Variants in RANBP2 observed in about 807,000 individuals in gnomAD.
RANBP2 encodes RAN binding protein 2.
A neutral mutation model predicts 303.6 loss-of-function variants in RANBP2; 57 were observed. That is an observed-to-expected ratio of 0.19 (90% CI 0.15 to 0.23). RANBP2 has a LOEUF of 0.23. RANBP2 is among the 10% of genes least tolerant of loss of function. RANBP2 has a pLI of 1.00. For synonymous variants in RANBP2, 1,167 were observed against 1,301.5 expected (o/e 0.90, Z 2.23); for missense variants, 3,138 against 3,780.8 (o/e 0.83, Z 4.46).
chr2:108,836,991 C>T, the RANBP2 span, among the ~76,000 whole-genome samples: 1 of 151,702 alleles, frequency 6.6e-6, no homozygotes, highest in Non-Finnish European at 1.5e-5. Flanking sequence ...CATATAAGGT[C>T]ATGCCATCTG....
chr2:108,744,774 A>G (rs1162563661), intron 7 of RANBP2, among the ~76,000 whole-genome samples: 1 of 152,230 alleles, frequency 6.6e-6, no homozygotes, highest in African/African-American at 2.4e-5. Context: ...GCGGCTCTTA[A>G]GAATATGCTA....
chr2:109,358,693 A>G, the RANBP2 span, among the ~76,000 whole-genome samples: 2 of 152,188 alleles, frequency 1.3e-5, no homozygotes, highest in Non-Finnish European at 2.9e-5. Context: ...ATCCTTTATC[A>G]TAGTTGTCTT....
chr2:109,129,341 AC>A, the RANBP2 span: 4 of 1,650 alleles, frequency 2.4e-3, no homozygotes, highest in South Asian at 0.043. Flanking sequence ...GGTCCCCGCC[AC>A]GCAGGCCGGT....
the RANBP2 span, among the ~76,000 whole-genome samples, chr2:109,010,251 A>G: frequency 6.6e-6 from 1 of 152,106 alleles, no homozygotes; most frequent in Non-Finnish European, 1.5e-5. Context: ...TGTATCTGAA[A>G]GCTTCAGTTT....
At chr2:109,524,045 G>A in the RANBP2 span, among the ~76,000 whole-genome samples, 29 of 152,204 alleles carry the variant, frequency 1.9e-4, no homozygotes, top group Admixed American at 6.5e-5. Flanking sequence ...GACAGGAGCA[G>A]GGGCTGTTCC....
chr2:109,300,630 A>G, the RANBP2 span, among the ~76,000 whole-genome samples: 1 of 152,172 alleles, frequency 6.6e-6, no homozygotes, highest in Admixed American at 6.5e-5. Flanking sequence ...CCTGGTGGTA[A>G]GAAACCACTC....
chr2:109,766,499 G>A, the RANBP2 span, among the ~76,000 whole-genome samples: 10 of 150,738 alleles, frequency 6.6e-5, no homozygotes, highest in Admixed American at 6.1e-4. Context: ...TTAACCAAAT[G>A]TATCTTGATG....
the RANBP2 span, among the ~76,000 whole-genome samples, chr2:109,548,902 T>C: frequency 1.3e-5 from 2 of 151,284 alleles, no homozygotes; most frequent in East Asian, 1.9e-4. Context: ...GTTCCAAATA[T>C]GGAATAGGTT....
the RANBP2 span, among the ~76,000 whole-genome samples, chr2:109,254,063 G>T: frequency 6.6e-6 from 1 of 152,002 alleles, no homozygotes. Flanking sequence ...GTCTTGAAGG[G>T]GTGCTTTTTC....
the RANBP2 span, among the ~76,000 whole-genome samples, chr2:108,934,745 A>T: frequency 6.6e-6 from 1 of 152,224 alleles, no homozygotes; most frequent in South Asian, 2.1e-4. Context: ...TCCCGCGATG[A>T]TGACATTAAG....
chr2:109,166,011 C>T, the RANBP2 span, among the ~76,000 whole-genome samples: 9 of 152,174 alleles, frequency 5.9e-5, no homozygotes, highest in African/African-American at 2.2e-4. Context: ...TTCCTTTTCC[C>T]CCAGTTTGCT....
chr2:109,230,133 T>C, the RANBP2 span, among the ~76,000 whole-genome samples: 1 of 152,166 alleles, frequency 6.6e-6, no homozygotes, highest in African/African-American at 2.4e-5. Flanking sequence ...CGATTTTTTT[T>C]TTCTTCTTAA....
the RANBP2 span, among the ~76,000 whole-genome samples, chr2:109,195,465 C>T: frequency 6.6e-6 from 1 of 152,172 alleles, no homozygotes; most frequent in Non-Finnish European, 1.5e-5. Flanking sequence ...GTCCCCACCC[C>T]TTCTTGGCCT....
chr2:109,110,424 C>T, the RANBP2 span, among the ~76,000 whole-genome samples: 3 of 152,260 alleles, frequency 2.0e-5, no homozygotes, highest in Non-Finnish European at 2.9e-5. Context: ...CTTAATCTTG[C>T]GATCACTTAG....
chr2:109,639,801 C>G, the RANBP2 span, among the ~76,000 whole-genome samples: 5 of 151,204 alleles, frequency 3.3e-5, no homozygotes. Context: ...ACCTCCACCT[C>G]CTGGGTTCAG....
At chr2:109,088,141 G>A in the RANBP2 span, among the ~76,000 whole-genome samples, 1 of 152,050 alleles carries the variant, frequency 6.6e-6, no homozygotes, top group East Asian at 1.9e-4. Context: ...GCTCACACCT[G>A]TAATCCCAGA....
chr2:109,342,750 G>A, the RANBP2 span, among the ~76,000 whole-genome samples: 2 of 152,182 alleles, frequency 1.3e-5, no homozygotes, highest in African/African-American at 2.4e-5. Flanking sequence ...AGTAGAAGCC[G>A]GAGATGGCGC....
chr2:109,537,161 A>G, the RANBP2 span, among the ~76,000 whole-genome samples: 1 of 152,240 alleles, frequency 6.6e-6, no homozygotes, highest in Non-Finnish European at 1.5e-5. Flanking sequence ...ACCATTAAGT[A>G]TGATGCTTGC....
the RANBP2 span, among the ~76,000 whole-genome samples, chr2:109,297,212 C>T: frequency 2.0e-5 from 3 of 152,004 alleles, no homozygotes; most frequent in Non-Finnish European, 2.9e-5. Context: ...GAAGACCCTG[C>T]GATTCATTCA....
Sources: gnomAD v4.1 joint callset for allele counts (sites outside exome capture counted in the v4.1 genomes callset) on GRCh38, gnomAD v4.1.1 for gene constraint, MANE v1.5 for transcripts, NCBI Gene and HGNC (gene_info 2026-07-23, HGNC 2026-07-21) for gene names.